The following LEPR variants were observed in gnomAD, a reference collection of about 807,000 sequenced individuals.
LEPR encodes OB receptor.
LEPR carries 56 observed loss-of-function variants against 114.7 expected under a neutral mutation model. The ratio of observed to expected loss-of-function variants is 0.49; its 90% CI spans 0.39 to 0.61. The LOEUF is 0.61. Ranked by LOEUF, LEPR falls within the 20% of genes least tolerant of loss-of-function variation. LEPR has a pLI of 0.00. For synonymous variants in LEPR, 443 were observed against 461.4 expected (o/e 0.96, Z 0.51); for missense variants, 1,202 against 1,352.9 (o/e 0.89, Z 1.75).
rs761061508 is a variant in LEPR at position 65,608,918 on chromosome 1, A to G, written c.1752+17A>G. The G allele has an allele frequency of 1.9e-6, 3 of 1,613,184 alleles. No homozygotes were observed. The highest frequency in any genetic ancestry group is 2.2e-5 in the South Asian group (2 of 90,924). On this transcript the variant is annotated intron_variant, in intron 12 of 19. Transcript: ENST00000349533. ...CAATGGAAGGTACCTTTTACTTAGAACTTCAGCTTTCCTCATTAAATGCTA... is the reference window on the plus strand; with the variant it reads ...CAATGGAAGGTACCTTTTACTTAGAGCTTCAGCTTTCCTCATTAAATGCTA...
intron 11 of LEPR, among the ~76,000 whole-genome samples, 176 bp from the exon 12 acceptor site, chr1:65,608,577 A>G (rs908090620): frequency 7.2e-5 from 11 of 152,290 alleles, no homozygotes; most frequent in Non-Finnish European, 1.3e-4. Context: ...AAAGAGATAA[A>G]TCCCTCTTTT....
intron 2 of LEPR, among the ~76,000 whole-genome samples, chr1:65,524,487 A>G (rs1357226562): frequency 6.6e-6 from 1 of 152,190 alleles, no homozygotes; most frequent in African/African-American, 2.4e-5. Flanking sequence ...GGCGATTCCT[A>G]TGAAGGAGAA....
chr1:65,635,020 T>A (rs1658668249), intron 19 of LEPR: 2 of 845,304 alleles, frequency 2.4e-6, no homozygotes, highest in African/African-American at 3.7e-5. Context: ...ATTTTGCGCT[T>A]GGCATATTTA....
intron 2 of LEPR, among the ~76,000 whole-genome samples, chr1:65,441,307 G>A (rs1019972893): frequency 6.6e-6 from 1 of 152,140 alleles, no homozygotes; most frequent in African/African-American, 2.4e-5. Context: ...AAGGGGTGGG[G>A]AGAGTGATGG....
rs58700529 is a variant in LEPR, at chr1:65,592,248, ATTT to A, written c.495-392_495-390del. On this transcript the variant is annotated intron_variant, in intron 5 of 19. Coordinates refer to ENST00000349533, the MANE Select transcript of LEPR (RefSeq NM_002303.6). Reference sequence around the variant, plus strand: ...TGAAACCACATTTCTATCTGCTGTCATTTTTTTTTTTTTTTTTTTGCCTGATGG... The same window carrying A: ...TGAAACCACATTTCTATCTGCTGTCATTTTTTTTTTTTTTTTGCCTGATGG... Among the ~76,000 whole-genome samples the A allele has an allele frequency of 4.2e-3, 499 of 117,714 alleles. 1 individual carries two copies. The highest frequency in any genetic ancestry group is 7.6e-3 in the African/African-American group (241 of 31,650). 77.2% of individuals were successfully genotyped at this position (117,714 alleles called of 152,430 possible). A position where few individuals can be genotyped will look rare whatever the true frequency, so the allele number is the denominator to read the frequency against.
At chr1:65,466,861 G>A (rs1342773683) in intron 2 of LEPR, among the ~76,000 whole-genome samples, 1 of 152,086 alleles carries the variant, frequency 6.6e-6, no homozygotes, top group African/African-American at 2.4e-5. Context: ...CTTGTGCCAT[G>A]GTTTTCAGCT....
At chr1:65,465,224 G>C (rs1365518739) in intron 2 of LEPR, among the ~76,000 whole-genome samples, 1 of 152,156 alleles carries the variant, frequency 6.6e-6, no homozygotes, top group Non-Finnish European at 1.5e-5. Context: ...GGTACATTGT[G>C]TCTATGTTCT....
In LEPR at chr1:65,533,295, T is replaced by G. The variant is rs539270248; in HGVS notation, c.-20-32251T>G. 5.7e-4 allele frequency among the ~76,000 whole-genome samples: 87 copies of G among 152,188 alleles called. 1 individual carries two copies. In the South Asian group the frequency reaches 0.018, roughly 32 times the overall value. On this transcript the variant is annotated intron_variant, in intron 2 of 19. Transcript: ENST00000349533. ...TTTCATTGTTATAGACTCAAAACAGTCTCAATAGGATCTCTATTAAATTCC... is the reference window on the plus strand; with the variant it reads ...TTTCATTGTTATAGACTCAAAACAGGCTCAATAGGATCTCTATTAAATTCC...
chr1:65,546,049 A>G (rs1651687607), intron 2 of LEPR, among the ~76,000 whole-genome samples: 1 of 151,500 alleles, frequency 6.6e-6, no homozygotes, highest in Non-Finnish European at 1.5e-5. Flanking sequence ...TCCCAGCACC[A>G]TTTATTAAAT....
chr1:65,434,335 T>C, intron 2 of LEPR: 1 of 985,136 alleles, frequency 1.0e-6, no homozygotes, highest in Non-Finnish European at 1.2e-6. Context: ...TTTTATATAT[T>C]GTACAATATA....
intron 3 of LEPR, among the ~76,000 whole-genome samples, chr1:65,569,385 G>T (rs1653994046): frequency 6.6e-6 from 1 of 152,088 alleles, no homozygotes; most frequent in South Asian, 2.1e-4. Flanking sequence ...CAATTATGGA[G>T]AATTATTTTA....
At chr1:65,533,435 C>T (rs1368119008) in intron 2 of LEPR, among the ~76,000 whole-genome samples, 1 of 152,100 alleles carries the variant, frequency 6.6e-6, no homozygotes, top group South Asian at 2.1e-4. Flanking sequence ...TTTGTGCTAT[C>T]GGATAGCAAG....
At chr1:65,541,338 C>A (rs532497249) in intron 2 of LEPR, among the ~76,000 whole-genome samples, 1 of 152,270 alleles carries the variant, frequency 6.6e-6, no homozygotes, top group Non-Finnish European at 1.5e-5. Context: ...AGGTAAGATG[C>A]CTACTCTGAC....
Position 65,501,939 on chromosome 1 carries a change from G to A in LEPR, c.-20-63607G>A, listed in dbSNP as rs563415354. ...TTTAACAAATGTTACTTTTGAAGAAGAGAGTAAGAGTATTTAATAAGGTAA... is the reference window on the plus strand; with the variant it reads ...TTTAACAAATGTTACTTTTGAAGAAAAGAGTAAGAGTATTTAATAAGGTAA... On this transcript the variant is annotated intron_variant, in intron 2 of 19. Coordinates refer to ENST00000349533, the MANE Select transcript of LEPR (RefSeq NM_002303.6). 3.9e-5 allele frequency among the ~76,000 whole-genome samples: 6 copies of A among 152,250 alleles called. No individual in the cohort carries two copies. In the South Asian group the frequency reaches 1.2e-3, roughly 32 times the overall value.
chr1:65,517,269 G>A (rs974309088), intron 2 of LEPR, among the ~76,000 whole-genome samples: 1 of 152,212 alleles, frequency 6.6e-6, no homozygotes, highest in Non-Finnish European at 1.5e-5. Context: ...TCAGAGCAGA[G>A]CAAATGCACC....
chr1:65,597,082 A>G (rs1656114946), intron 7 of LEPR, among the ~76,000 whole-genome samples: 1 of 152,040 alleles, frequency 6.6e-6, no homozygotes, highest in Middle Eastern at 3.2e-3. Context: ...ACCATTCCCC[A>G]AATGATGTTT....
intron 2 of LEPR, among the ~76,000 whole-genome samples, chr1:65,489,915 C>G (rs1345216656): frequency 6.6e-6 from 1 of 151,982 alleles, no homozygotes; most frequent in East Asian, 1.9e-4. Flanking sequence ...TTTTCATACC[C>G]CAAATGCCAG....
Position 65,527,959 on chromosome 1 carries a change from A to G in LEPR, c.-20-37587A>G, listed in dbSNP as rs149673162. The stretch of plus-strand genomic sequence containing the variant: ...TCCAACAGCTCACGGTCCACAGCCA[A>G]CTCATTCATGGCTTGGGAGTGTCAT... On this transcript the variant is annotated intron_variant, in intron 2 of 19. Coordinates refer to ENST00000349533, the MANE Select transcript of LEPR (RefSeq NM_002303.6). 1.4e-4 allele frequency among the ~76,000 whole-genome samples: 21 copies of G among 152,202 alleles called. 1 individual carries two copies. In the East Asian group the frequency reaches 3.9e-3, roughly 28 times the overall value.
intron 2 of LEPR, among the ~76,000 whole-genome samples, chr1:65,501,984 A>T (rs1648476501): frequency 6.6e-6 from 1 of 152,174 alleles, no homozygotes. Context: ...TGTGAAAGTT[A>T]TATGAGATAC....
Sources: allele counts gnomAD v4.1 joint callset (sites outside exome capture counted in the v4.1 genomes callset), GRCh38; gene constraint gnomAD v4.1.1; transcripts MANE v1.5; gene names NCBI Gene and HGNC (gene_info 2026-07-23, HGNC 2026-07-21).